The following BCAT2 variants were observed in gnomAD, a reference collection of about 807,000 sequenced individuals.
The protein encoded by BCAT2 is branched chain amino acid transaminase 2.
BCAT2 carries 44 observed loss-of-function variants against 52.9 expected under a neutral mutation model. The observed-to-expected ratio is 0.83, with a 90% CI of 0.65 to 1.07. BCAT2 has a LOEUF of 1.07. Among genes scored for constraint, BCAT2 ranks in the 50% least tolerant of loss-of-function variants. BCAT2 has a pLI of 0.00. For synonymous variants in BCAT2, 215 were observed against 217.1 expected, an observed-to-expected ratio of 0.99 and a Z score of 0.08; for missense variants, 478 against 521.8, an observed-to-expected ratio of 0.92 and a Z score of 0.82.
At chr19:48,806,915 G>A in intron 2 of BCAT2, 85 bp downstream of exon 2, 1 of 1,498,596 alleles carries the variant, frequency 6.7e-7, no homozygotes, top group South Asian at 1.1e-5. Flanking sequence ...TGCCATCTCT[G>A]GGCTGTGGAC....
intron 1 of BCAT2, chr19:48,808,398 C>CAT: frequency 1.2e-5 from 3 of 259,040 alleles, no homozygotes; most frequent in Non-Finnish European, 1.7e-5. Flanking sequence ...GGCGCACAAA[C>CAT]AGAAAAAAAA....
In BCAT2 at chr19:48,806,540, A is replaced by C; in HGVS notation, c.277T>G (p.Ser93Ala). The change falls in exon 3 of 11, where the codon TCC (serine) becomes GCC (alanine). Residue 93 changes from serine (S) to alanine (A), a missense_variant. By Grantham distance (99) the Ser-to-Ala change is moderately conservative. Coordinates refer to ENST00000316273, the MANE Select transcript of BCAT2 (RefSeq NM_001190.4). ...ACCTGCAGGGAGTAGTGGAGGCTGG[A>C]GGAGGCTGGGTGCAGCGTGAGGTTC... ...FQNLTLHPASSSLHYSLQLFE... is the reference protein window; with the variant it reads ...FQNLTLHPASASLHYSLQLFE... 6.2e-7 allele frequency: 1 copy of C among 1,613,896 alleles called. No homozygotes were observed. The highest frequency in any genetic ancestry group is 8.5e-7 in the Non-Finnish European group (1 of 1,179,952).
At chr19:48,800,549 C>T (rs1486394433) in intron 3 of BCAT2, among the ~76,000 whole-genome samples, 4 of 152,308 alleles carry the variant, frequency 2.6e-5, no homozygotes, top group South Asian at 2.1e-4. Context: ...CTCAGTGGCT[C>T]ACTGTAATCC....
At chr19:48,804,704 T>G (rs955560090) in intron 3 of BCAT2, among the ~76,000 whole-genome samples, 1 of 152,166 alleles carries the variant, frequency 6.6e-6, no homozygotes, top group East Asian at 1.9e-4. Flanking sequence ...CAGTGCGTTC[T>G]GTCTGCCAGG....
intron 3 of BCAT2, among the ~76,000 whole-genome samples, chr19:48,801,567 T>A (rs114361389): frequency 0.017 from 2,589 of 150,468 alleles, 67 homozygotes; most frequent in African/African-American, 0.058. Flanking sequence ...CTAAACAAAA[T>A]ATATATATAT....
intron 3 of BCAT2, 50 bp from the exon 4 acceptor site, chr19:48,800,347 TG>T: frequency 6.6e-7 from 1 of 1,515,576 alleles, no homozygotes; most frequent in Non-Finnish European, 9.1e-7. Flanking sequence ...CAGACAGTCA[TG>T]AGAGACACCA....
At chr19:48,808,290 A>T (rs926426552) in intron 1 of BCAT2, 1 of 983,664 alleles carries the variant, frequency 1.0e-6, no homozygotes, top group African/African-American at 1.8e-5. Flanking sequence ...ACAGTGCGAC[A>T]GCCAGCCTGT....
At chr19:48,797,061 C>A (rs546103824) in intron 7 of BCAT2, 39 bp from the exon 8 acceptor site, 1 of 1,612,426 alleles carries the variant, frequency 6.2e-7, no homozygotes, top group Admixed American at 1.7e-5. Flanking sequence ...TTACCTCTCA[C>A]CCCCTAGCAC....
In BCAT2 at chr19:48,800,274, G is replaced by A. The variant is rs1197162768; in HGVS notation, c.324C>T (p.Phe108=). The A allele has an allele frequency of 1.2e-6, 2 of 1,613,628 alleles. No individual in the cohort carries two copies. The highest frequency in any genetic ancestry group is 1.7e-6 in the Non-Finnish European group (2 of 1,180,042). Residue 108 remains phenylalanine, a synonymous_variant, in exon 4 of 11, where the codon TTC becomes TTT. Coordinates refer to ENST00000316273, the MANE Select transcript of BCAT2 (RefSeq NM_001190.4). The part of the protein sequence containing the change: ...SLQLFEGMKA[F]KGKDQQVRLF... ...GGCGCACCTGCTGGTCTTTGCCTTT[G>A]AACGCCTTCATGCCCTCAAACAGCT...
At chr19:48,800,890 G>C (rs899367646) in intron 3 of BCAT2, among the ~76,000 whole-genome samples, 1 of 152,160 alleles carries the variant, frequency 6.6e-6, no homozygotes, top group Non-Finnish European at 1.5e-5. Flanking sequence ...GAGCCTGGAA[G>C]GCAGGGATTA....
intron 3 of BCAT2, among the ~76,000 whole-genome samples, chr19:48,805,380 G>A (rs970703702): frequency 6.6e-6 from 1 of 152,080 alleles, no homozygotes; most frequent in Non-Finnish European, 1.5e-5. Flanking sequence ...CATGGCCTGA[G>A]AGGGCTCTTA....
chr19:48,800,648 C>CA (rs2034638666), intron 3 of BCAT2, among the ~76,000 whole-genome samples: 1 of 152,028 alleles, frequency 6.6e-6, no homozygotes, highest in Non-Finnish European at 1.5e-5. Flanking sequence ...CCATCTCTAC[C>CA]AAAAAATACG....
At chr19:48,795,657 A>ATCATT (rs2034493228) in intron 10 of BCAT2, among the ~76,000 whole-genome samples, 193 bp from the exon 11 acceptor site, 6 of 152,066 alleles carry the variant, frequency 3.9e-5, no homozygotes, top group Non-Finnish European at 5.9e-5. Flanking sequence ...GGCTTCCGGG[A>ATCATT]GATGTAGTTC....
Position 48,810,987 on chromosome 19 carries a change from C to G in BCAT2, c.21G>C (p.Gly7=). The change falls in exon 1 of 11, where the codon GGG becomes GGC. Residue 7 remains glycine (G), a synonymous_variant. Coordinates refer to ENST00000316273, the MANE Select transcript of BCAT2 (RefSeq NM_001190.4). MAAAAL[G]QIWARKLLSV... is the part of the protein sequence containing the mutation. ...CGGCGCGGGGCTGCGAACCCACCTG[C>G]CCCAGAGCGGCTGCGGCCATGATCC... 6.2e-7 allele frequency: 1 copy of G among 1,608,454 alleles called. No homozygotes were observed.
chr19:48,795,090 A>C lies in BCAT2; in HGVS notation c.*336T>G. The C allele has an allele frequency of 2.5e-6, 1 of 393,570 alleles. No homozygotes were observed. The highest frequency in any genetic ancestry group is 4.7e-6 in the Non-Finnish European group (1 of 214,624). 24.4% of individuals were successfully genotyped at this position (393,570 alleles called of 1,614,324 possible). A position where few individuals can be genotyped will look rare whatever the true frequency, so the allele number is the denominator to read the frequency against. ...GTGTTCTTTGGCATTTTATTTCAAA[A>C]TTGCAGCAAAGACAGAGAAAAAAAA... On this transcript the variant is annotated 3_prime_UTR_variant, in exon 11 of 11. Transcript: ENST00000316273.
At chr19:48,801,289 T>A (rs1232188426) in intron 3 of BCAT2, among the ~76,000 whole-genome samples, 2 of 151,598 alleles carry the variant, frequency 1.3e-5, no homozygotes, top group Non-Finnish European at 2.9e-5. Context: ...GATAAATGAA[T>A]GGAAGACAAG....
At chr19:48,796,796 T>C (rs2034533227) in intron 8 of BCAT2, 78 bp from the exon 9 acceptor site, 8 of 1,589,952 alleles carry the variant, frequency 5.0e-6, no homozygotes, top group South Asian at 1.1e-5. Flanking sequence ...TCCCTGAGGA[T>C]AGTGAGAAAG....
chr19:48,810,879 C>A (rs2034907238), intron 1 of BCAT2, 105 bp downstream of exon 1: 1 of 1,544,334 alleles, frequency 6.5e-7, no homozygotes, highest in Non-Finnish European at 8.7e-7. Context: ...AACCCCAGGG[C>A]GGGAGGAGCG....
chr19:48,796,886 C>T (rs888990950), intron 8 of BCAT2, 51 bp downstream of exon 8: 1 of 1,606,032 alleles, frequency 6.2e-7, no homozygotes, highest in Non-Finnish European at 8.5e-7. Context: ...CCCTCTGATG[C>T]CCTGGCCCCT....
Sources: allele counts gnomAD v4.1 joint callset (sites outside exome capture counted in the v4.1 genomes callset), GRCh38; gene constraint gnomAD v4.1.1; transcripts MANE v1.5; gene names NCBI Gene and HGNC (gene_info 2026-07-23, HGNC 2026-07-21).